Variants in CLNK observed in about 807,000 individuals in gnomAD.
CLNK encodes the protein cytokine dependent hematopoietic cell linker, also known as cytokine-dependent hematopoietic cell linker.
Under a neutral mutation model 68.6 loss-of-function variants are expected in CLNK, and 74 were observed. The observed-to-expected ratio is 1.08, with a 90% CI of 0.89 to 1.31. The LOEUF (loss-of-function observed/expected upper bound fraction) is 1.31, where lower values mean the gene tolerates loss of function less well. Ranked by LOEUF, CLNK falls within the 50% of genes most tolerant of loss-of-function variation. The pLI is 0.00. For synonymous variants in CLNK, 198 were observed against 172.2 expected (o/e 1.15, Z -1.17); for missense variants, 553 against 515.3 (o/e 1.07, Z -0.71).
At chr4:10,644,778 TCAG>T (rs1333911753) in intron 2 of CLNK, among the ~76,000 whole-genome samples, 1 of 152,244 alleles carries the variant, frequency 6.6e-6, no homozygotes, top group Non-Finnish European at 1.5e-5. Flanking sequence ...TCATTATGGC[TCAG>T]CAAGAAATTG....
chr4:10,658,067 G>A (rs1475734733), intron 2 of CLNK, among the ~76,000 whole-genome samples: 1 of 152,084 alleles, frequency 6.6e-6, no homozygotes, highest in African/African-American at 2.4e-5. Flanking sequence ...GTCAGCTCAC[G>A]TCACTGCCTC....
At chr4:10,567,131 G>T in intron 5 of CLNK, among the ~76,000 whole-genome samples, 2 of 110,548 alleles carry the variant, frequency 1.8e-5, no homozygotes, top group East Asian at 2.6e-4. Flanking sequence ...ACAATCTTGG[G>T]AAAAAAAAAA....
intron 2 of CLNK, among the ~76,000 whole-genome samples, chr4:10,601,993 T>C (rs971668864): frequency 6.6e-6 from 1 of 152,230 alleles, no homozygotes; most frequent in African/African-American, 2.4e-5. Context: ...ATAATTGTTC[T>C]TGCAATCACT....
chr4:10,613,628 G>A (rs1213798419), intron 2 of CLNK, among the ~76,000 whole-genome samples: 1 of 152,156 alleles, frequency 6.6e-6, no homozygotes, highest in Non-Finnish European at 1.5e-5. Flanking sequence ...CTTCTGGCTA[G>A]AGAATAGGTA....
intron 2 of CLNK, among the ~76,000 whole-genome samples, chr4:10,630,336 G>A (rs1722836728): frequency 6.6e-6 from 1 of 152,180 alleles, no homozygotes; most frequent in Admixed American, 6.5e-5. Flanking sequence ...ATAAGCTCTT[G>A]TCACCCTCCT....
At chr4:10,714,185 G>T in the CLNK span, among the ~76,000 whole-genome samples, 1 of 152,158 alleles carries the variant, frequency 6.6e-6, no homozygotes, top group Non-Finnish European at 1.5e-5. Context: ...GAGGAGAGGG[G>T]CTGAGACTCA....
At chr4:10,650,755 A>T (rs1723696615) in intron 2 of CLNK, among the ~76,000 whole-genome samples, 2 of 152,168 alleles carry the variant, frequency 1.3e-5, no homozygotes, top group Non-Finnish European at 2.9e-5. Context: ...TGAAAAATGC[A>T]ATCCTCAATG....
intron 2 of CLNK, among the ~76,000 whole-genome samples, chr4:10,627,496 A>G (rs1193892635): frequency 6.6e-6 from 1 of 152,188 alleles, no homozygotes; most frequent in East Asian, 1.9e-4. Context: ...ATAGAGTACT[A>G]TGTTAGGTCT....
chr4:10,582,089 T>C (rs1720804698), intron 4 of CLNK, among the ~76,000 whole-genome samples: 1 of 152,212 alleles, frequency 6.6e-6, no homozygotes, highest in Non-Finnish European at 1.5e-5. Flanking sequence ...TGTTAATCCT[T>C]GAGTTTACCA....
Position 10,532,271 on chromosome 4 carries a change from T to C in CLNK, c.615A>G (p.Leu205=), listed in dbSNP as rs765633474. 6.2e-7 allele frequency: 1 copy of C among 1,610,534 alleles called. No individual in the cohort carries two copies. Among genetic ancestry groups the C allele is most frequent in the South Asian group, 1.1e-5 (1 of 90,638 alleles). ...EVQRMPSQIS[L]RDLSEVLEAE... is the part of the protein sequence containing the mutation. ...TGCTACTTACCTCACTTAAGTCCCT[T>C]AAGCTTATCTGACTGCAAGAAAAAG... Residue 205 remains leucine, a synonymous_variant, in exon 12 of 19, where the codon TTA becomes TTG. Transcript: ENST00000226951.
At chr4:10,531,671 C>A in intron 12 of CLNK, 4 of 453,912 alleles carry the variant, frequency 8.8e-6, no homozygotes, top group Non-Finnish European at 1.3e-5. Flanking sequence ...GAACCCCTGA[C>A]CTCAGGTGAT....
At chr4:10,593,252 C>T (rs529324007) in intron 3 of CLNK, among the ~76,000 whole-genome samples, 10 of 152,196 alleles carry the variant, frequency 6.6e-5, no homozygotes, top group Admixed American at 3.3e-4. Context: ...TCAGGGCAGG[C>T]GGGGCAGACC....
At chr4:10,628,328 T>C (rs1722757263) in intron 2 of CLNK, among the ~76,000 whole-genome samples, 1 of 150,214 alleles carries the variant, frequency 6.7e-6, no homozygotes, top group South Asian at 2.1e-4. Flanking sequence ...TTTTTTTCAC[T>C]CTTTGCTGAA....
In CLNK at chr4:10,684,656, T is replaced by C. The variant is rs1336985842; in HGVS notation, c.-43+12A>G. 6.6e-6 allele frequency: 1 copy of C among 152,142 alleles called. No individual in the cohort carries two copies. Among genetic ancestry groups the C allele is most frequent in the Non-Finnish European group, 1.5e-5 (1 of 68,030 alleles). 9.4% of individuals were successfully genotyped at this position (152,142 alleles called of 1,614,324 possible). ...AGATCCTCACTCAGAAGAACTGGCC[T>C]AATGAGTTTACCTGAACAGCGTGGA... On this transcript the variant is annotated intron_variant, in intron 1 of 18. Transcript: ENST00000226951.
chr4:10,496,467 C>T (rs1716813185), intron 18 of CLNK, among the ~76,000 whole-genome samples: 2 of 152,214 alleles, frequency 1.3e-5, no homozygotes, highest in African/African-American at 2.4e-5. Flanking sequence ...TCCTCTTACA[C>T]AGGGCACAGC....
At chr4:10,577,889 T>G (rs1199910563) in intron 4 of CLNK, among the ~76,000 whole-genome samples, 1 of 152,306 alleles carries the variant, frequency 6.6e-6, no homozygotes, top group South Asian at 2.1e-4. Flanking sequence ...GGCAGTAACA[T>G]AGCAGAGCAG....
At chr4:10,714,589 CAT>C in the CLNK span, among the ~76,000 whole-genome samples, 1 of 152,106 alleles carries the variant, frequency 6.6e-6, no homozygotes, top group East Asian at 1.9e-4. Context: ...TTAAACAAAT[CAT>C]AGATCAAAAA....
intron 8 of CLNK, among the ~76,000 whole-genome samples, chr4:10,546,102 G>T (rs1255618657): frequency 6.6e-6 from 1 of 152,136 alleles, no homozygotes; most frequent in African/African-American, 2.4e-5. Flanking sequence ...TGTCTTGAGG[G>T]ATAGCATCTA....
At chr4:10,523,082 G>C (rs898126265) in intron 14 of CLNK, among the ~76,000 whole-genome samples, 6 of 152,180 alleles carry the variant, frequency 3.9e-5, no homozygotes, top group Admixed American at 6.5e-5. Context: ...TAGTGGCTGG[G>C]CCATGCAAGG....
Sources: allele counts gnomAD v4.1 joint callset (sites outside exome capture counted in the v4.1 genomes callset), GRCh38; gene constraint gnomAD v4.1.1; transcripts MANE v1.5; gene names NCBI Gene and HGNC (gene_info 2026-07-23, HGNC 2026-07-21).